Variants in NCAM2 observed in about 807,000 individuals in gnomAD.
The protein encoded by NCAM2 is neural cell adhesion molecule 2.
A neutral mutation model predicts 98.1 loss-of-function variants in NCAM2; 30 were observed. That is an observed-to-expected ratio of 0.31 (90% CI 0.23 to 0.41). NCAM2 has a LOEUF of 0.41. Among genes scored for constraint, NCAM2 ranks in the 10% least tolerant of loss-of-function variants. NCAM2 has a pLI of 1.00. For missense variants in NCAM2, 867 were observed against 1,005.8 expected (o/e 0.86, Z 1.87); for synonymous variants, 368 against 342.4 (o/e 1.07, Z -0.83).
intron 12 of NCAM2, among the ~76,000 whole-genome samples, chr21:21,438,246 C>G (rs757596663): frequency 1.3e-5 from 2 of 151,770 alleles, no homozygotes; most frequent in Non-Finnish European, 2.9e-5. Context: ...GCTGATGTCA[C>G]CACCCAGAAG....
At chr21:21,430,806 G>A (rs1300765095) in intron 11 of NCAM2, among the ~76,000 whole-genome samples, 1 of 151,996 alleles carries the variant, frequency 6.6e-6, no homozygotes, top group African/African-American at 2.4e-5. Context: ...CCAGCACTTT[G>A]GGAGGCCAAG....
At chr21:21,114,361 G>A (rs2066512041) in intron 1 of NCAM2, among the ~76,000 whole-genome samples, 2 of 152,094 alleles carry the variant, frequency 1.3e-5, no homozygotes, top group Admixed American at 1.3e-4. Flanking sequence ...TATAAGCAAT[G>A]TTTCATTTTC....
At position 21,167,392 on chromosome 21, in the gene NCAM2, A is replaced by G. The variant is rs961379831; in HGVS notation, c.56-113186A>G. Among the ~76,000 whole-genome samples, 16 of 152,168 alleles carry G rather than the reference A, an allele frequency of 1.1e-4. No homozygotes were observed. The South Asian group carries it at 3.1e-3, about 30-fold the overall frequency. On this transcript the variant is annotated intron_variant, in intron 1 of 17. Transcript: ENST00000400546. ...TTTGAATAGCATAAAAGAGATATTTATAATATATTTTTCTTAAAATTTTAT... is the reference window on the plus strand; with the variant it reads ...TTTGAATAGCATAAAAGAGATATTTGTAATATATTTTTCTTAAAATTTTAT...
chr21:21,214,746 T>TATATATATATATATACATACAC (rs11268201), intron 1 of NCAM2, among the ~76,000 whole-genome samples: 4 of 100,608 alleles, frequency 4.0e-5, no homozygotes, highest in Non-Finnish European at 6.3e-5. Flanking sequence ...TATATATATA[T>TATATATATATATATACATACAC]ACACTATATA....
At chr21:21,069,594 T>C (rs563503761) in intron 1 of NCAM2, among the ~76,000 whole-genome samples, 1 of 152,266 alleles carries the variant, frequency 6.6e-6, no homozygotes, top group East Asian at 1.9e-4. Flanking sequence ...CGACCTACCC[T>C]TCCTTTAAAA....
At chr21:21,405,021 A>G (rs1425513862) in intron 9 of NCAM2, among the ~76,000 whole-genome samples, 1 of 151,970 alleles carries the variant, frequency 6.6e-6, no homozygotes, top group Non-Finnish European at 1.5e-5. Context: ...TGGCTTTCCA[A>G]AAGTTTGTAA....
intron 1 of NCAM2, among the ~76,000 whole-genome samples, chr21:21,036,330 C>A (rs1016136015): frequency 1.2e-4 from 18 of 152,136 alleles, no homozygotes; most frequent in African/African-American, 4.3e-4. Context: ...CAGCAGGAGG[C>A]ACACAAAATC....
intron 1 of NCAM2, among the ~76,000 whole-genome samples, chr21:21,140,608 C>T (rs2067146725): frequency 6.6e-6 from 1 of 152,052 alleles, no homozygotes; most frequent in Admixed American, 6.6e-5. Flanking sequence ...TTAGTAGGAC[C>T]ACCAGGGTCC....
intron 1 of NCAM2, among the ~76,000 whole-genome samples, chr21:21,230,255 C>A (rs1353906556): frequency 6.6e-6 from 1 of 151,112 alleles, no homozygotes; most frequent in African/African-American, 2.4e-5. Context: ...AATCATTTTT[C>A]TATATTCATC....
At chr21:21,188,026 C>T (rs79942002) in intron 1 of NCAM2, among the ~76,000 whole-genome samples, 4,495 of 152,238 alleles carry the variant, frequency 0.03, 215 homozygotes, top group African/African-American at 0.1. Flanking sequence ...TATTTGACTA[C>T]GTCTGAGTGT....
At chr21:21,130,251 T>C (rs1009813392) in intron 1 of NCAM2, among the ~76,000 whole-genome samples, 2 of 152,202 alleles carry the variant, frequency 1.3e-5, no homozygotes, top group East Asian at 1.9e-4. Flanking sequence ...CATCTAGCAG[T>C]TGGTAATACA....
chr21:21,381,653 A>G (rs1253917238), intron 9 of NCAM2, among the ~76,000 whole-genome samples: 2 of 152,104 alleles, frequency 1.3e-5, no homozygotes, highest in Non-Finnish European at 2.9e-5. Flanking sequence ...TTCCTTACAC[A>G]CACCTTATCT....
intron 1 of NCAM2, among the ~76,000 whole-genome samples, chr21:21,035,326 A>G (rs1194531336): frequency 6.6e-6 from 1 of 152,208 alleles, no homozygotes; most frequent in Non-Finnish European, 1.5e-5. Flanking sequence ...AAATAACTAT[A>G]CTGCCATAAA....
chr21:21,513,357 C>T (rs1437241128), intron 16 of NCAM2, among the ~76,000 whole-genome samples: 1 of 152,074 alleles, frequency 6.6e-6, no homozygotes, highest in Admixed American at 6.6e-5. Flanking sequence ...CTCAGTACTA[C>T]TTTTGCAGTA....
At chr21:21,427,617 T>C (rs758532062) in intron 11 of NCAM2, among the ~76,000 whole-genome samples, 1 of 152,094 alleles carries the variant, frequency 6.6e-6, no homozygotes, top group Non-Finnish European at 1.5e-5. Flanking sequence ...TGGACAAAGA[T>C]TAAAAAGTTT....
chr21:21,473,699 A>G (rs1984779920), intron 14 of NCAM2, among the ~76,000 whole-genome samples: 2 of 151,946 alleles, frequency 1.3e-5, no homozygotes. Context: ...TGAGACTTCA[A>G]AAGGAGTCAG....
chr21:21,081,380 G>T (rs2065794748), intron 1 of NCAM2, among the ~76,000 whole-genome samples: 1 of 152,126 alleles, frequency 6.6e-6, no homozygotes, highest in South Asian at 2.1e-4. Context: ...TAGAGAGACA[G>T]TTAACAACCA....
intron 1 of NCAM2, among the ~76,000 whole-genome samples, chr21:21,190,584 A>G (rs1345262405): frequency 6.6e-6 from 1 of 152,176 alleles, no homozygotes; most frequent in Non-Finnish European, 1.5e-5. Flanking sequence ...AGTATGCACT[A>G]TTAGTTTGGT....
chr21:21,276,161 C>A (rs546436248), intron 1 of NCAM2, among the ~76,000 whole-genome samples: 135 of 152,084 alleles, frequency 8.9e-4, no homozygotes, highest in African/African-American at 3.2e-3. Flanking sequence ...TTATAATGGG[C>A]AAACTTGATA....
Sources: gnomAD v4.1 joint callset for allele counts (sites outside exome capture counted in the v4.1 genomes callset) on GRCh38, gnomAD v4.1.1 for gene constraint, MANE v1.5 for transcripts, NCBI Gene and HGNC (gene_info 2026-07-23, HGNC 2026-07-21) for gene names.